Variants in NINJ2 observed in about 807,000 individuals in gnomAD.
The protein encoded by NINJ2 is ninjurin-2.
Under a neutral mutation model 11.7 loss-of-function variants are expected in NINJ2, and 12 were observed. The observed-to-expected ratio is 1.02, with a 90% CI of 0.66 to 1.66. NINJ2 has a LOEUF of 1.66. Among genes scored for constraint, NINJ2 ranks in the 40% most tolerant of loss-of-function variants. The pLI is 0.00. For synonymous variants in NINJ2, 93 were observed against 76.8 expected, an observed-to-expected ratio of 1.21 and a Z score of -1.10; for missense variants, 187 against 181.8, an observed-to-expected ratio of 1.03 and a Z score of -0.16.
intron 1 of NINJ2, among the ~76,000 whole-genome samples, chr12:617,277 C>T (rs1206026150): frequency 6.6e-6 from 1 of 152,158 alleles, no homozygotes; most frequent in African/African-American, 2.4e-5. Flanking sequence ...TGTAGTAAAG[C>T]CTGGGATGCG....
Position 656,616 on chromosome 12 carries a change from G to A in NINJ2, c.33+6712C>T, listed in dbSNP as rs189131741. 5.8e-3 allele frequency among the ~76,000 whole-genome samples: 887 copies of A among 151,920 alleles called. 3 individuals are homozygous for A. Among genetic ancestry groups the A allele is most frequent in the Middle Eastern group, 0.01 (3 of 294 alleles). On this transcript the variant is annotated intron_variant, in intron 1 of 3. Coordinates refer to ENST00000305108, the MANE Select transcript of NINJ2 (RefSeq NM_016533.6). ...ATACAAAAATTAGCCAGATGTGGTG[G>A]CGGGCCCCTGTAATCCCAGCTACTC...
rs1033719061 is a variant in NINJ2 at position 585,613 on chromosome 12, C to G, written c.34-19435G>C. Among the ~76,000 whole-genome samples, 6 of 152,214 alleles carry G rather than the reference C, an allele frequency of 3.9e-5. No individual in the cohort carries two copies. The highest frequency in any genetic ancestry group is 1.4e-4 in the African/African-American group (6 of 41,438). ...TCACGCTGTGTTGCACCCTGGCCTG[C>G]TCTGCGGATGAGTCAGCAGCATCGA... On this transcript the variant is annotated intron_variant, in intron 1 of 3. Transcript: ENST00000305108. The surrounding 1 kb of genome is among the most constrained non-coding windows in gnomAD (Gnocchi z 4.1).
At chr12:578,625 C>T (rs543506484) in intron 1 of NINJ2, among the ~76,000 whole-genome samples, 1 of 152,128 alleles carries the variant, frequency 6.6e-6, no homozygotes, top group Non-Finnish European at 1.5e-5. Flanking sequence ...GCCGAGAGCA[C>T]CCATTTTTTA....
chr12:661,436 T>G (rs1937957393), intron 1 of NINJ2, among the ~76,000 whole-genome samples: 1 of 152,092 alleles, frequency 6.6e-6, no homozygotes, highest in Non-Finnish European at 1.5e-5. Context: ...CAAAGGAAAA[T>G]GTAAGATACA....
At chr12:609,769 T>TAAA (rs1948002024) in intron 1 of NINJ2, among the ~76,000 whole-genome samples, 1 of 41,638 alleles carries the variant, frequency 2.4e-5, no homozygotes, top group Admixed American at 2.7e-4. Flanking sequence ...AGACTCTGCC[T>TAAA]CAAAAAAAAA....
chr12:611,650 G>C (rs7974504), intron 1 of NINJ2, among the ~76,000 whole-genome samples: 32,242 of 152,246 alleles, frequency 0.21, 3,609 homozygotes, highest in East Asian at 0.31. Flanking sequence ...GGGCTTTCTT[G>C]AAGTGGCATA....
chr12:648,689 A>C (rs993347376), intron 1 of NINJ2, among the ~76,000 whole-genome samples: 1 of 152,220 alleles, frequency 6.6e-6, no homozygotes, highest in Non-Finnish European at 1.5e-5. Context: ...GGACTTCTGC[A>C]CAGGACCTGG....
chr12:564,998 A>G (rs867739384), intron 3 of NINJ2, among the ~76,000 whole-genome samples: 33 of 152,226 alleles, frequency 2.2e-4, no homozygotes, highest in Admixed American at 2.0e-4. Flanking sequence ...AGACCGTGGG[A>G]AAACCTGAGC....
At chr12:624,245 A>G (rs1948187331) in intron 1 of NINJ2, among the ~76,000 whole-genome samples, 1 of 152,200 alleles carries the variant, frequency 6.6e-6, no homozygotes, top group South Asian at 2.1e-4. Context: ...TAAAGGTATG[A>G]GCACTTCAAA....
chr12:653,622 A>T (rs1385646975), intron 1 of NINJ2, among the ~76,000 whole-genome samples: 1 of 152,202 alleles, frequency 6.6e-6, no homozygotes, highest in Admixed American at 6.5e-5. Flanking sequence ...GTTAAAAAAA[A>T]GTACAACTGA....
At chr12:574,256 G>A (rs112744740) in intron 1 of NINJ2, among the ~76,000 whole-genome samples, 1,544 of 152,182 alleles carry the variant, frequency 0.01, 22 homozygotes, top group African/African-American at 0.035. Flanking sequence ...AGGCGTGGAG[G>A]GAGGTTGCAG....
chr12:612,292 C>T (rs1948042478), intron 1 of NINJ2, among the ~76,000 whole-genome samples: 1 of 152,148 alleles, frequency 6.6e-6, no homozygotes. Context: ...AAACCTGCAT[C>T]CTAACACAAC....
chr12:579,595 C>T (rs553057481), intron 1 of NINJ2, among the ~76,000 whole-genome samples: 10 of 152,148 alleles, frequency 6.6e-5, no homozygotes, highest in South Asian at 2.1e-4. Flanking sequence ...ACATAAAATG[C>T]GGATTCACCG....
At chr12:571,741 AAAAGT>A (rs1947379042) in intron 1 of NINJ2, among the ~76,000 whole-genome samples, 1 of 152,202 alleles carries the variant, frequency 6.6e-6, no homozygotes, top group African/African-American at 2.4e-5. Context: ...TTTTTAACAG[AAAAGT>A]AAACATGTTT....
At chr12:613,418 G>A (rs1167568491) in intron 1 of NINJ2, among the ~76,000 whole-genome samples, 2 of 151,916 alleles carry the variant, frequency 1.3e-5, no homozygotes, top group Non-Finnish European at 2.9e-5. Flanking sequence ...GACTAGCCTA[G>A]CCAATATGGT....
At chr12:577,815 C>T (rs1440734112) in intron 1 of NINJ2, among the ~76,000 whole-genome samples, 2 of 152,034 alleles carry the variant, frequency 1.3e-5, no homozygotes, top group Non-Finnish European at 2.9e-5. Flanking sequence ...CCTCAGCCTC[C>T]CAAACTGTTG....
intron 1 of NINJ2, among the ~76,000 whole-genome samples, chr12:649,110 G>C (rs770309689): frequency 2.6e-5 from 4 of 151,004 alleles, no homozygotes; most frequent in African/African-American, 7.3e-5. Flanking sequence ...GCAGTGGCGC[G>C]ATCTCGGCTC....
intron 1 of NINJ2, among the ~76,000 whole-genome samples, chr12:610,092 T>C (rs10774373): frequency 6.6e-6 from 1 of 152,098 alleles, no homozygotes; most frequent in Admixed American, 6.5e-5. Flanking sequence ...CTAATTCATC[T>C]GGCATCACTG....
chr12:576,534 G>C (rs900490607), intron 1 of NINJ2, among the ~76,000 whole-genome samples: 10 of 152,282 alleles, frequency 6.6e-5, no homozygotes, highest in Non-Finnish European at 1.2e-4. Flanking sequence ...TTGCTCTGTC[G>C]CCCAGGCTGC....
Sources: allele counts gnomAD v4.1 joint callset (sites outside exome capture counted in the v4.1 genomes callset), GRCh38; gene constraint gnomAD v4.1.1; non-coding constraint Gnocchi (gnomAD v3.1); transcripts MANE v1.5; gene names NCBI Gene and HGNC (gene_info 2026-07-23, HGNC 2026-07-21).